CLCN5: variants seen among roughly 807,000 people sequenced by gnomAD.
CLCN5 encodes H(+)/Cl(-) exchange transporter 5.
A neutral mutation model predicts 54.0 loss-of-function variants in CLCN5; 17 were observed. The ratio of observed to expected loss-of-function variants is 0.31; its 90% CI spans 0.22 to 0.47. The LOEUF (loss-of-function observed/expected upper bound fraction) is 0.47, where lower values mean the gene tolerates loss of function less well. CLCN5 is among the 20% of genes least tolerant of loss of function. The pLI is 1.00. For missense variants in CLCN5, 448 were observed against 646.7 expected, an observed-to-expected ratio of 0.69 and a Z score of 3.33; for synonymous variants, 222 against 233.0, an observed-to-expected ratio of 0.95 and a Z score of 0.43.
rs1225605541 is a variant in CLCN5, at chrX:50,092,376, C to A, written c.*157C>A. Reference sequence around the variant, plus strand: ...AAGTTAACCAGTTGCACTACATAATCTCTGGAAATTAATTTTCTCTTTAGG... The same window carrying A: ...AAGTTAACCAGTTGCACTACATAATATCTGGAAATTAATTTTCTCTTTAGG... On this transcript the variant is annotated 3_prime_UTR_variant, in exon 15 of 15. Transcript: ENST00000376091. The A allele has an allele frequency of 2.2e-6, 1 of 447,216 alleles. No homozygotes were observed. Among genetic ancestry groups the A allele is most frequent in the Admixed American group, 3.7e-5 (1 of 27,358 alleles). 36.9% of individuals were successfully genotyped at this position (447,216 alleles called of 1,213,427 possible). A position where few individuals can be genotyped will look rare whatever the true frequency, so the allele number is the denominator to read the frequency against.
chrX:49,942,146 A>C (rs2738827), intron 3 of CLCN5, among the ~76,000 whole-genome samples: 1 of 72,694 alleles, frequency 1.4e-5, no homozygotes, highest in South Asian at 9.2e-4. Context: ...GATTAATGTT[A>C]AATTAGAATG....
intron 2 of CLCN5, among the ~76,000 whole-genome samples, chrX:49,924,500 T>C (rs376755463): frequency 3.6e-5 from 4 of 112,338 alleles, no homozygotes; most frequent in South Asian, 3.6e-4. Flanking sequence ...AGGACTGGAT[T>C]TGAAGTTTTA....
In CLCN5 at chrX:50,088,814, C is replaced by T; in HGVS notation, c.1674C>T (p.Ser558=). The change falls in exon 12 of 15, where the codon AGC becomes AGT. Residue 558 remains serine, a synonymous_variant. Transcript: ENST00000376091. ...ACCAGGAATGGACCGTCTTCAATAG[C>T]TGGTGTAGTCAGGGAGCTGATTGCA... ...YYHQEWTVFN[S]WCSQGADCIT... is the part of the protein sequence containing the mutation. 2 of 1,211,516 alleles carry T rather than the reference C, an allele frequency of 1.7e-6. No individual in the cohort carries two copies. Among genetic ancestry groups the T allele is most frequent in the Non-Finnish European group, 1.1e-6 (1 of 895,253 alleles).
At chrX:50,091,183 A>C (rs781886370) in intron 14 of CLCN5, among the ~76,000 whole-genome samples, 7 of 112,117 alleles carry the variant, frequency 6.2e-5, no homozygotes, top group Non-Finnish European at 1.3e-4. Flanking sequence ...CTGAAATTAC[A>C]GTAGCATCAG....
chrX:50,050,953 C>T (rs1195440365), intron 4 of CLCN5, among the ~76,000 whole-genome samples: 3 of 111,061 alleles, frequency 2.7e-5, no homozygotes, highest in Non-Finnish European at 3.8e-5. Context: ...TGAGCCACTG[C>T]GCCTGGCCGT....
chrX:50,069,399 C>CT (rs1933147231), intron 4 of CLCN5: 1 of 434,626 alleles, frequency 2.3e-6, no homozygotes, highest in Non-Finnish European at 2.9e-6. Flanking sequence ...TTCCAGCCAA[C>CT]TTAACTCGTG....
intron 3 of CLCN5, among the ~76,000 whole-genome samples, chrX:49,942,166 G>C (rs1557171085): frequency 6.3e-3 from 1 of 158 alleles, no homozygotes; most frequent in Non-Finnish European, 0.013. Flanking sequence ...GAATTCGAGT[G>C]GCATTCTTGT....
At chrX:50,067,472 C>A in intron 4 of CLCN5, 1 of 343,508 alleles carries the variant, frequency 2.9e-6, no homozygotes, top group Non-Finnish European at 3.8e-6. Flanking sequence ...GATGAGACTA[C>A]ATCTTTAAGG....
chrX:49,982,503 T>C (rs1317583678), intron 3 of CLCN5, among the ~76,000 whole-genome samples: 22 of 111,283 alleles, frequency 2.0e-4, no homozygotes, highest in African/African-American at 7.2e-4. Context: ...TTCAGTTTTA[T>C]GTTATTGGCA....
intron 4 of CLCN5, among the ~76,000 whole-genome samples, chrX:50,048,611 C>G (rs1932474821): frequency 8.9e-6 from 1 of 111,957 alleles, no homozygotes; most frequent in Non-Finnish European, 1.9e-5. Flanking sequence ...GGAACTCTTT[C>G]AATTGACTCC....
At chrX:50,025,697 T>TTC (rs782228320) in intron 3 of CLCN5, among the ~76,000 whole-genome samples, 18 of 109,881 alleles carry the variant, frequency 1.6e-4, no homozygotes, top group East Asian at 5.7e-4. Context: ...TGCACTCTGT[T>TTC]TCTCTCTCTC....
intron 9 of CLCN5, among the ~76,000 whole-genome samples, chrX:50,082,382 G>A (rs781938952): frequency 7.4e-5 from 8 of 108,128 alleles, no homozygotes; most frequent in Non-Finnish European, 1.3e-4. Flanking sequence ...GCATGATCAC[G>A]GCTCACTGCA....
chrX:50,047,797 T>C (rs1448006020), intron 4 of CLCN5, among the ~76,000 whole-genome samples: 3 of 111,397 alleles, frequency 2.7e-5, no homozygotes, highest in African/African-American at 9.8e-5. Flanking sequence ...CTGATGTTTT[T>C]CTCAAGATTA....
intron 3 of CLCN5, among the ~76,000 whole-genome samples, chrX:49,960,184 A>T (rs782173043): frequency 8.2e-5 from 9 of 110,340 alleles, no homozygotes; most frequent in Admixed American, 6.8e-4. Flanking sequence ...TTCCCACAGT[A>T]TCCTCAATTC....
chrX:49,935,079 C>CT (rs1470439066), intron 3 of CLCN5, among the ~76,000 whole-genome samples: 2 of 111,962 alleles, frequency 1.8e-5, no homozygotes, highest in African/African-American at 6.5e-5. Context: ...TCCTTGGGTC[C>CT]TGTACCCCAG....
At chrX:49,958,134 A>G (rs1218711432) in intron 3 of CLCN5, among the ~76,000 whole-genome samples, 1 of 111,452 alleles carries the variant, frequency 9.0e-6, no homozygotes, top group Non-Finnish European at 1.9e-5. Flanking sequence ...CCTCCTCCTC[A>G]TTTCTAATCC....
chrX:49,991,323 CAT>C (rs1204501620), intron 3 of CLCN5, among the ~76,000 whole-genome samples: 5 of 112,038 alleles, frequency 4.5e-5, no homozygotes, highest in Middle Eastern at 4.6e-3. Context: ...AGCATTTTTT[CAT>C]ATGTTTGTTG....
intron 3 of CLCN5, among the ~76,000 whole-genome samples, chrX:50,039,690 A>AT (rs1232324396): frequency 2.8e-5 from 3 of 108,074 alleles, no homozygotes; most frequent in African/African-American, 6.8e-5. Flanking sequence ...CACAGAATGA[A>AT]TTTTTTTTTT....
chrX:49,942,975 G>C (rs1296815982), intron 3 of CLCN5, among the ~76,000 whole-genome samples: 18 of 103,924 alleles, frequency 1.7e-4, no homozygotes, highest in African/African-American at 6.4e-4. Flanking sequence ...CTGAGGAATC[G>C]CCACACTGAC....
Sources: allele counts gnomAD v4.1 joint callset (sites outside exome capture counted in the v4.1 genomes callset), GRCh38; gene constraint gnomAD v4.1.1; transcripts MANE v1.5; gene names NCBI Gene and HGNC (gene_info 2026-07-23, HGNC 2026-07-21).